Variants in EMC1 observed in about 807,000 individuals in gnomAD.
The protein encoded by EMC1 is KIAA0090.
Under a neutral mutation model 128.8 loss-of-function variants are expected in EMC1, and 103 were observed. That is an observed-to-expected ratio of 0.80 (90% CI 0.68 to 0.94). The LOEUF (loss-of-function observed/expected upper bound fraction) is 0.94. Among genes scored for constraint, EMC1 ranks in the 40% least tolerant of loss-of-function variants. EMC1 has a pLI of 0.00. For missense variants in EMC1, 1,083 were observed against 1,250.6 expected (o/e 0.87, Z 2.02); for synonymous variants, 442 against 490.4 (o/e 0.90, Z 1.30).
chr1:19,225,311 G>A (rs1247474415), intron 18 of EMC1, among the ~76,000 whole-genome samples: 1 of 152,090 alleles, frequency 6.6e-6, no homozygotes, highest in Non-Finnish European at 1.5e-5. Context: ...GAGCCCAGGA[G>A]TTTAAGACCA....
chr1:19,220,967 G>T, intron 20 of EMC1, 119 bp from the exon 21 acceptor site: 2 of 637,500 alleles, frequency 3.1e-6, no homozygotes, highest in Admixed American at 5.8e-5. Flanking sequence ...GGTCAATGAG[G>T]CTCCCTTACA....
At position 19,246,062 on chromosome 1, in the gene EMC1, A is replaced by G. The variant is rs559462097; in HGVS notation, c.96-1032T>C. On this transcript the variant is annotated intron_variant, in intron 1 of 22. Transcript: ENST00000477853. Reference sequence around the variant, plus strand: ...CGAGGCTGCAGTGAGCCGAGATCACACCATTGCACTCCAACCTGACAAGAC... The same window carrying G: ...CGAGGCTGCAGTGAGCCGAGATCACGCCATTGCACTCCAACCTGACAAGAC... 2.0e-5 allele frequency among the ~76,000 whole-genome samples: 3 copies of G among 152,210 alleles called. No homozygotes were observed. The South Asian group carries it at 6.2e-4, about 32-fold the overall frequency.
At position 19,238,841 on chromosome 1, in the gene EMC1, G is replaced by C; in HGVS notation, c.1043C>G (p.Ser348Cys). 1.9e-6 allele frequency: 3 copies of C among 1,610,188 alleles called. No individual in the cohort carries two copies. The highest frequency in any genetic ancestry group is 2.5e-6 in the Non-Finnish European group (3 of 1,176,574). Residue 348 changes from serine to cysteine, a missense_variant, in exon 10 of 23, where the codon TCT (serine) becomes TGT (cysteine). Physicochemically the swap from Ser to Cys is moderately radical, Grantham distance 112. Around this residue, in one of 3 missense-constraint regions of EMC1, gnomAD observed 544 missense variants for 572.4 expected, o/e 0.95. Transcript: ENST00000477853. ...AAAGCTCCCCATTGACCCATCTTCA[G>C]AACTGCTACTTTTCTGCTATGAGAA... ...CRNEVQKSSS[S>C]EDGSMGSFSE... is the part of the protein sequence containing the mutation.
At chr1:19,249,744 G>A (rs1027168387) in intron 1 of EMC1, among the ~76,000 whole-genome samples, 1 of 151,354 alleles carries the variant, frequency 6.6e-6, no homozygotes, top group Non-Finnish European at 1.5e-5. Flanking sequence ...GGGCAACATG[G>A]CAAAACCCCG....
At chr1:19,232,803 A>G (rs780084194) in intron 14 of EMC1, 30 bp from the exon 15 acceptor site, 7 of 1,613,640 alleles carry the variant, frequency 4.3e-6, no homozygotes, top group South Asian at 1.1e-5. Flanking sequence ...TTGGCTCACT[A>G]CTAGAAAGAG....
chr1:19,230,958 T>C lies in EMC1; in HGVS notation c.1950A>G (p.Thr650=), dbSNP rs1469379204. 1.9e-6 allele frequency: 3 copies of C among 1,614,034 alleles called. No individual in the cohort carries two copies. Among genetic ancestry groups the C allele is most frequent in the African/African-American group, 1.3e-5 (1 of 75,036 alleles). Residue 650 remains threonine, a synonymous_variant, in exon 17 of 23, where the codon ACA becomes ACG. Coordinates refer to ENST00000477853, the MANE Select transcript of EMC1 (RefSeq NM_015047.3). ...LLLIDDEYKV[T]AFPATRNVLR... is the part of the protein sequence containing the mutation. ...AGACATTCCGAGTGGCTGGAAAAGCTGTGACCTTGAAAAACCCAGAGAGCC... is the reference window on the plus strand; with the variant it reads ...AGACATTCCGAGTGGCTGGAAAAGCCGTGACCTTGAAAAACCCAGAGAGCC...
Position 19,251,414 on chromosome 1 carries a change from CCAAT to C in EMC1, c.92_95del (p.Asp31GlyfsTer25), listed in dbSNP as rs760606669. The stretch of plus-strand genomic sequence containing the variant: ...CTCGAATATGTTCCACACGTACGCA[CCAAT>C]CAAACTTGCCCACTTGGTCTTCGTA... On this transcript the variant is annotated frameshift_variant and splice_region_variant, in exon 1 of 23. Coordinates refer to ENST00000477853, the MANE Select transcript of EMC1 (RefSeq NM_015047.3). LOFTEE classifies it high-confidence loss of function. 6 of 1,613,758 alleles carry C rather than the reference CCAAT, an allele frequency of 3.7e-6. No individual in the cohort carries two copies. Among genetic ancestry groups the C allele is most frequent in the Non-Finnish European group, 5.1e-6 (6 of 1,179,682 alleles).
At position 19,239,686 on chromosome 1, in the gene EMC1, A is replaced by T. The variant is rs968820831; in HGVS notation, c.954+132T>A. 23 of 895,608 alleles carry T rather than the reference A, an allele frequency of 2.6e-5. No individual in the cohort carries two copies. In the Admixed American group the frequency reaches 4.8e-4, roughly 19 times the overall value. The allele number at this position is 895,608 out of a possible 1,614,324, so 55.5% of individuals were successfully genotyped here. On this transcript the variant is annotated intron_variant, in intron 8 of 22. Transcript: ENST00000477853. ...GATAAGGCTACCTACCCCCTCTCAA[A>T]CCACTTACGGGAAGGTGTCATCAAT... is the stretch of plus-strand genomic sequence containing the variant.
Position 19,223,404 on chromosome 1 carries a change from A to G in EMC1, c.2368T>C (p.Trp790Arg). ...TGGTAGTGACCGCTTACCACCACCC[A>G]GTTCTCTGAATGCACGATATGGACA... ...GPVHIVHSEN[W>R]VVYQYWNTKA... The change falls in exon 19 of 23, where the codon TGG (tryptophan) becomes CGG (arginine). Residue 790 changes from tryptophan to arginine, a missense_variant. Around this residue, in one of 3 missense-constraint regions of EMC1, gnomAD observed 527 missense variants for 644.1 expected, o/e 0.82. Coordinates refer to ENST00000477853, the MANE Select transcript of EMC1 (RefSeq NM_015047.3). 1 of 1,614,022 alleles carries G rather than the reference A, an allele frequency of 6.2e-7. No homozygotes were observed. The highest frequency in any genetic ancestry group is 8.5e-7 in the Non-Finnish European group (1 of 1,179,892).
chr1:19,231,102 A>G, intron 16 of EMC1, 139 bp from the exon 17 acceptor site: 3 of 1,325,902 alleles, frequency 2.3e-6, no homozygotes, highest in Non-Finnish European at 3.1e-6. Flanking sequence ...CTGAGTTTTC[A>G]CAAATGCAGA....
Position 19,223,565 on chromosome 1 carries a change from A to C in EMC1, c.2207T>G (p.Leu736Arg), listed in dbSNP as rs2151939248. 6.2e-7 allele frequency: 1 copy of C among 1,613,772 alleles called. No homozygotes were observed. Among genetic ancestry groups the C allele is most frequent in the Non-Finnish European group, 8.5e-7 (1 of 1,179,980 alleles). ...CACCACGGCCAGCAGGTTGGGGTTC[A>C]GGCTCTGGAGAGAGAGAGAAAACCT... The part of the protein sequence containing the change: ...MGDRSVLYKS[L>R]NPNLLAVVTE... The change falls in exon 19 of 23, where the codon CTG becomes CGG. Residue 736 changes from leucine to arginine, a missense_variant. Around this residue, in one of 3 missense-constraint regions of EMC1, gnomAD observed 527 missense variants for 644.1 expected, o/e 0.82. Transcript: ENST00000477853.
rs2093579036 is a variant in EMC1 at position 19,238,039 on chromosome 1, T to C, written c.1190A>G (p.Gln397Arg). The stretch of plus-strand genomic sequence containing the variant: ...TACCCGCTCAGGCCGAGTGCCGCTC[T>C]GTTCCAGGCTAAATGTTATCGTGGT... ...LDTTITFSLEQSGTRPERLYI... is the reference protein window; with the variant it reads ...LDTTITFSLERSGTRPERLYI... The change falls in exon 11 of 23, where the codon CAG becomes CGG. Residue 397 changes from glutamine to arginine, a missense_variant. Transcript: ENST00000477853. 1 of 1,613,984 alleles carries C rather than the reference T, an allele frequency of 6.2e-7. No homozygotes were observed. The highest frequency in any genetic ancestry group is 8.5e-7 in the Non-Finnish European group (1 of 1,179,958).
rs896737692 is a variant in EMC1, at chr1:19,245,041, A to T, written c.96-11T>A. On this transcript the variant is annotated splice_polypyrimidine_tract_variant and intron_variant, in intron 1 of 22. Coordinates refer to ENST00000477853, the MANE Select transcript of EMC1 (RefSeq NM_015047.3). ...ACATATTGCTGTCTCCTGAGAAAAAAAGAGTACAGGGGACCATAAGGAGCT... is the reference window on the plus strand; with the variant it reads ...ACATATTGCTGTCTCCTGAGAAAAATAGAGTACAGGGGACCATAAGGAGCT... The T allele has an allele frequency of 1.2e-6, 2 of 1,613,572 alleles. No homozygotes were observed. Among genetic ancestry groups the T allele is most frequent in the Non-Finnish European group, 1.7e-6 (2 of 1,179,612 alleles).
At chr1:19,224,893 T>G (rs2093460255) in intron 18 of EMC1, among the ~76,000 whole-genome samples, 1 of 152,166 alleles carries the variant, frequency 6.6e-6, no homozygotes, top group South Asian at 2.1e-4. Context: ...CCAGGAGCAC[T>G]TTGACTTTTC....
chr1:19,216,976 C>G lies in EMC1; in HGVS notation c.*2327G>C, dbSNP rs1224298497. Reference sequence around the variant, plus strand: ...AAGTGCTGGGATTATAGGCATGAGCCATCACGCCCAGCCAAATCTTTTTAC... The same window carrying G: ...AAGTGCTGGGATTATAGGCATGAGCGATCACGCCCAGCCAAATCTTTTTAC... On this transcript the variant is annotated 3_prime_UTR_variant, in exon 23 of 23. Transcript: ENST00000477853. The G allele has an allele frequency of 6.6e-6, 1 of 152,252 alleles. No individual in the cohort carries two copies. Among genetic ancestry groups the G allele is most frequent in the Non-Finnish European group, 1.5e-5 (1 of 68,080 alleles). 9.4% of individuals were successfully genotyped at this position (152,252 alleles called of 1,614,324 possible).
Position 19,223,419 on chromosome 1 carries a change from C to T in EMC1, c.2353G>A (p.Val785Met), listed in dbSNP as rs770588339. The change falls in exon 19 of 23, where the codon GTG (valine) becomes ATG (methionine). Residue 785 changes from valine (V) to methionine (M), a missense_variant. Transcript: ENST00000477853. The stretch of plus-strand genomic sequence containing the variant: ...ACCACCACCCAGTTCTCTGAATGCA[C>T]GATATGGACAGGGCCTTTGGCTTTC... ...QKKAKGPVHI[V>M]HSENWVVYQY... 6 of 1,613,964 alleles carry T rather than the reference C, an allele frequency of 3.7e-6. No individual in the cohort carries two copies. The African/African-American group carries it at 5.3e-5, about 14-fold the overall frequency.
At position 19,235,117 on chromosome 1, in the gene EMC1, CTT is replaced by C; in HGVS notation, c.1432+11_1432+12del. 2 of 1,613,004 alleles carry C rather than the reference CTT, an allele frequency of 1.2e-6. No individual in the cohort carries two copies. Among genetic ancestry groups the C allele is most frequent in the Non-Finnish European group, 8.5e-7 (1 of 1,179,420 alleles). Reference sequence around the variant, plus strand: ...TCCAGCAACTCTGCAGCTCCAACCTCTTAGGTTCATACCTGCCTTTTTGCCAA... The same window carrying C: ...TCCAGCAACTCTGCAGCTCCAACCTCAGGTTCATACCTGCCTTTTTGCCAA... On this transcript the variant is annotated intron_variant, in intron 13 of 22. Transcript: ENST00000477853.
rs1374080777 is a variant in EMC1 at position 19,217,995 on chromosome 1, TAC to T, written c.*1306_*1307del. ...CTGACCTTTCCTTACTAAAATAAAATACACTTACTCCATGTCTTCACTGCTTT... is the reference window on the plus strand; with the variant it reads ...CTGACCTTTCCTTACTAAAATAAAATACTTACTCCATGTCTTCACTGCTTT... On this transcript the variant is annotated 3_prime_UTR_variant, in exon 23 of 23. Coordinates refer to ENST00000477853, the MANE Select transcript of EMC1 (RefSeq NM_015047.3). 6.6e-6 allele frequency: 1 copy of T among 152,238 alleles called. No individual in the cohort carries two copies. The highest frequency in any genetic ancestry group is 1.5e-5 in the Non-Finnish European group (1 of 68,040). The allele number at this position is 152,238 out of a possible 1,614,324, so 9.4% of individuals were successfully genotyped here.
intron 10 of EMC1, 51 bp from the exon 11 acceptor site, chr1:19,238,190 G>A (rs1354815223): frequency 6.3e-7 from 1 of 1,598,142 alleles, no homozygotes; most frequent in East Asian, 2.2e-5. Flanking sequence ...CGAAAGCAAA[G>A]CCCACCAAAG....
Sources: gnomAD v4.1 joint callset for allele counts (sites outside exome capture counted in the v4.1 genomes callset) on GRCh38, gnomAD v4.1.1 for gene constraint, gnomAD v4.1.1 regional missense constraint, MANE v1.5 for transcripts, NCBI Gene and HGNC (gene_info 2026-07-23, HGNC 2026-07-21) for gene names.